TGFB2: variants seen among roughly 807,000 people sequenced by gnomAD.
The protein encoded by TGFB2 is transforming growth factor beta-2 proprotein.
TGFB2 carries 13 observed loss-of-function variants against 42.7 expected under a neutral mutation model. The observed-to-expected ratio is 0.30, with a 90% CI of 0.20 to 0.48. The LOEUF (loss-of-function observed/expected upper bound fraction) is 0.48. Ranked by LOEUF, TGFB2 falls within the 20% of genes least tolerant of loss-of-function variation. TGFB2 has a pLI of 0.99. For missense variants in TGFB2, 390 were observed against 517.5 expected, an observed-to-expected ratio of 0.75 and a Z score of 2.39; for synonymous variants, 193 against 193.6, an observed-to-expected ratio of 1.00 and a Z score of 0.03.
chr1:218,347,182 C>T (rs1019937134), intron 1 of TGFB2, 135 bp downstream of exon 1: 1 of 709,912 alleles, frequency 1.4e-6, no homozygotes, highest in Admixed American at 2.9e-5. Context: ...GTCCTTCACC[C>T]CACCACCTCC....
At chr1:218,361,467 G>C (rs929400407) in intron 1 of TGFB2, among the ~76,000 whole-genome samples, 5 of 152,098 alleles carry the variant, frequency 3.3e-5, no homozygotes, top group African/African-American at 1.2e-4. Context: ...GTGACCTTGG[G>C]ATCTGAATTC....
rs148241142 is a variant in TGFB2 at position 218,380,980 on chromosome 1, A to G, written c.347-24189A>G. ...TTATTATCCCTACTTTGTAGATGGG[A>G]AAAGTGCAGCTGAGAGAGTTAATTA... On this transcript the variant is annotated intron_variant, in intron 1 of 6. Coordinates refer to ENST00000366930, the MANE Select transcript of TGFB2 (RefSeq NM_003238.6). 2.0e-5 allele frequency among the ~76,000 whole-genome samples: 3 copies of G among 152,254 alleles called. No individual in the cohort carries two copies. The East Asian group carries it at 5.8e-4, about 29-fold the overall frequency.
chr1:218,385,339 A>G (rs1658097664), intron 1 of TGFB2, among the ~76,000 whole-genome samples: 1 of 152,236 alleles, frequency 6.6e-6, no homozygotes, highest in African/African-American at 2.4e-5. Context: ...CCTTGTACTT[A>G]TCATTTTGCA....
At chr1:218,377,863 T>A (rs1313892289) in intron 1 of TGFB2, among the ~76,000 whole-genome samples, 1 of 152,240 alleles carries the variant, frequency 6.6e-6, no homozygotes, top group African/African-American at 2.4e-5. Flanking sequence ...AACCCCAGCA[T>A]CCATCTTCCT....
At chr1:218,388,739 C>T (rs1487905884) in intron 1 of TGFB2, among the ~76,000 whole-genome samples, 3 of 152,264 alleles carry the variant, frequency 2.0e-5, no homozygotes, top group Admixed American at 6.5e-5. Flanking sequence ...GGCTGCTGTG[C>T]GTTTAGAGGA....
chr1:218,436,190 C>A, intron 5 of TGFB2, 43 bp downstream of exon 5: 1 of 1,589,072 alleles, frequency 6.3e-7, no homozygotes, highest in South Asian at 1.2e-5. Context: ...CATCTGTTAA[C>A]TCTTAAACTG....
intron 2 of TGFB2, among the ~76,000 whole-genome samples, chr1:218,409,848 G>A (rs563709149): frequency 3.9e-4 from 60 of 152,270 alleles, no homozygotes; most frequent in African/African-American, 1.4e-3. Context: ...TTCTCAGGTC[G>A]TTTACATGGT....
intron 2 of TGFB2, among the ~76,000 whole-genome samples, chr1:218,412,949 T>C (rs1571882009): frequency 6.6e-6 from 1 of 152,196 alleles, no homozygotes; most frequent in Admixed American, 6.5e-5. Flanking sequence ...CACTAAAATA[T>C]TGCCTTTTCC....
intron 2 of TGFB2, among the ~76,000 whole-genome samples, chr1:218,411,445 G>A (rs917591308): frequency 4.6e-5 from 7 of 152,086 alleles, no homozygotes; most frequent in Admixed American, 2.6e-4. Flanking sequence ...TGGAAGGCCG[G>A]GCTCAGCTGG....
chr1:218,369,756 C>T (rs1048461935), intron 1 of TGFB2, among the ~76,000 whole-genome samples: 13 of 152,280 alleles, frequency 8.5e-5, no homozygotes, highest in East Asian at 1.9e-4. Flanking sequence ...CTGCCTTTTC[C>T]GGTGTGAAAT....
chr1:218,354,893 C>A (rs1183827214), intron 1 of TGFB2, among the ~76,000 whole-genome samples: 1 of 152,002 alleles, frequency 6.6e-6, no homozygotes, highest in East Asian at 1.9e-4. Flanking sequence ...TTTATTAAGA[C>A]TTTGGTTGTT....
At chr1:218,358,732 C>T (rs1192691316) in intron 1 of TGFB2, among the ~76,000 whole-genome samples, 3 of 151,690 alleles carry the variant, frequency 2.0e-5, no homozygotes, top group Admixed American at 6.6e-5. Flanking sequence ...TTAGTAGAGA[C>T]GGGGTTTCAC....
chr1:218,421,395 A>G (rs1291750191), intron 2 of TGFB2, among the ~76,000 whole-genome samples: 4 of 144,268 alleles, frequency 2.8e-5, no homozygotes, highest in South Asian at 4.3e-4. Flanking sequence ...TTTTATCACT[A>G]TAAAAGACCG....
intron 1 of TGFB2, among the ~76,000 whole-genome samples, chr1:218,385,848 G>C (rs1215839969): frequency 6.6e-6 from 1 of 152,214 alleles, no homozygotes; most frequent in Non-Finnish European, 1.5e-5. Flanking sequence ...TGTCACAGTT[G>C]TTGCATTTTA....
At chr1:218,406,192 T>TACACAC (rs35504165) in intron 2 of TGFB2, among the ~76,000 whole-genome samples, 2,941 of 149,050 alleles carry the variant, frequency 0.02, 22 homozygotes, top group Middle Eastern at 0.035. Flanking sequence ...ACCCACTCAA[T>TACACAC]ACACACACAC....
At chr1:218,348,559 G>T (rs993681941) in intron 1 of TGFB2, among the ~76,000 whole-genome samples, 12 of 152,224 alleles carry the variant, frequency 7.9e-5, no homozygotes, top group Non-Finnish European at 8.8e-5. Context: ...TGGCAAGCAG[G>T]ATGATTTTAT....
chr1:218,386,742 AG>A (rs1322532392), intron 1 of TGFB2, among the ~76,000 whole-genome samples: 2 of 152,212 alleles, frequency 1.3e-5, no homozygotes, highest in African/African-American at 4.8e-5. Context: ...TGCCTAGAAA[AG>A]TCTTATTGAC....
chr1:218,399,005 C>T (rs1375942022), intron 1 of TGFB2, among the ~76,000 whole-genome samples: 2 of 152,200 alleles, frequency 1.3e-5, no homozygotes, highest in Non-Finnish European at 2.9e-5. Flanking sequence ...ACCTCAGCCT[C>T]CCAAGTAGGT....
intron 2 of TGFB2, among the ~76,000 whole-genome samples, chr1:218,407,200 C>A (rs1029242812): frequency 2.0e-5 from 3 of 152,104 alleles, no homozygotes; most frequent in African/African-American, 7.2e-5. Flanking sequence ...AGGGCTCAAG[C>A]GATCCTACAG....
Sources: allele counts gnomAD v4.1 joint callset (sites outside exome capture counted in the v4.1 genomes callset), GRCh38; gene constraint gnomAD v4.1.1; transcripts MANE v1.5; gene names NCBI Gene and HGNC (gene_info 2026-07-23, HGNC 2026-07-21).